The following MLLT3 variants were observed in gnomAD, a reference collection of about 807,000 sequenced individuals.
MLLT3 encodes the protein protein AF-9.
Under a neutral mutation model 53.2 loss-of-function variants are expected in MLLT3, and 4 were observed. That is an observed-to-expected ratio of 0.08 (90% CI 0.04 to 0.17). MLLT3 has a LOEUF of 0.17. Among genes scored for constraint, MLLT3 ranks in the 10% least tolerant of loss-of-function variants. MLLT3 has a pLI of 1.00. For missense variants in MLLT3, 569 were observed against 684.0 expected (o/e 0.83, Z 1.87); for synonymous variants, 283 against 230.6 (o/e 1.23, Z -2.06).
At chr9:20,596,861 G>A (rs993217941) in intron 2 of MLLT3, among the ~76,000 whole-genome samples, 39 of 152,148 alleles carry the variant, frequency 2.6e-4, no homozygotes, top group African/African-American at 8.7e-4. Flanking sequence ...GGGACTGTAT[G>A]TAACCTGAAG....
Position 20,373,656 on chromosome 9 carries a change from G to T in MLLT3, c.1126-7912C>A, listed in dbSNP as rs567403700. On this transcript the variant is annotated intron_variant, in intron 5 of 10. Coordinates refer to ENST00000380338, the MANE Select transcript of MLLT3 (RefSeq NM_004529.4). ...AGAGTACAGTATAACTAGTTAAACA[G>T]AAATGATTTCAGACACATTGCTACA... Among the ~76,000 whole-genome samples the T allele has an allele frequency of 2.6e-5, 4 of 152,196 alleles. No homozygotes were observed. In the East Asian group the frequency reaches 7.7e-4, roughly 29 times the overall value.
intron 10 of MLLT3, among the ~76,000 whole-genome samples, chr9:20,347,223 T>G (rs1009641265): frequency 1.3e-5 from 2 of 152,190 alleles, no homozygotes; most frequent in African/African-American, 2.4e-5. Flanking sequence ...ACATAAGATG[T>G]TGTCACTTGG....
intron 3 of MLLT3, among the ~76,000 whole-genome samples, chr9:20,454,177 T>C (rs1823904393): frequency 1.3e-5 from 2 of 152,146 alleles, no homozygotes; most frequent in Admixed American, 1.3e-4. Context: ...GACTACCCAA[T>C]GTGCCTTCAT....
At chr9:20,437,785 G>A (rs1321502411) in intron 4 of MLLT3, among the ~76,000 whole-genome samples, 1 of 152,132 alleles carries the variant, frequency 6.6e-6, no homozygotes, top group African/African-American at 2.4e-5. Flanking sequence ...AGTATTCAGA[G>A]CTCAAAATCA....
intron 2 of MLLT3, among the ~76,000 whole-genome samples, chr9:20,573,320 T>C (rs546887180): frequency 3.9e-5 from 6 of 151,998 alleles, no homozygotes; most frequent in African/African-American, 1.4e-4. Flanking sequence ...GCTGGAACTA[T>C]AGGCACATGC....
At chr9:20,426,863 ACAAT>A (rs1359221585) in intron 4 of MLLT3, among the ~76,000 whole-genome samples, 1 of 152,128 alleles carries the variant, frequency 6.6e-6, no homozygotes, top group East Asian at 1.9e-4. Flanking sequence ...AATGTGAACT[ACAAT>A]CACTCATGAA....
In MLLT3 at chr9:20,356,743, C is replaced by T. The variant is rs1334365; in HGVS notation, c.1432-1864G>A. On this transcript the variant is annotated intron_variant, in intron 8 of 10. Transcript: ENST00000380338. The stretch of plus-strand genomic sequence containing the variant: ...TGCTAACTAGGTTTAGAGAGTTCTG[C>T]CACCTTTTCTTCAAAGCAGAAAATA... Among the ~76,000 whole-genome samples, 1,473 of 152,226 alleles carry T rather than the reference C, an allele frequency of 9.7e-3. 69 individuals are homozygous for T. Among genetic ancestry groups the T allele is most frequent in the Admixed American group, 0.075 (1,153 of 15,272 alleles).
In MLLT3 at chr9:20,621,763, G is replaced by A. The variant is rs1821018264; in HGVS notation, c.12+482C>T. ...CTTCGGCTCACACACGCGCGCCGCG[G>A]AGAACGCACCATCGTAGCGGCCGCG... On this transcript the variant is annotated intron_variant, in intron 1 of 10. Coordinates refer to ENST00000380338, the MANE Select transcript of MLLT3 (RefSeq NM_004529.4). The surrounding 1 kb of genome is among the most constrained non-coding windows in gnomAD (Gnocchi z 7.0). The A allele has an allele frequency of 6.7e-7, 1 of 1,488,918 alleles. No individual in the cohort carries two copies. The allele number at this position is 1,488,918 out of a possible 1,614,324, so 92.2% of individuals were successfully genotyped here.
intron 4 of MLLT3, among the ~76,000 whole-genome samples, chr9:20,444,814 G>A (rs1045262746): frequency 1.3e-5 from 2 of 152,180 alleles, no homozygotes; most frequent in African/African-American, 4.8e-5. Context: ...TGAGGCTGCA[G>A]TGAGCCATGA....
At chr9:20,424,066 G>C (rs187587228) in intron 4 of MLLT3, among the ~76,000 whole-genome samples, 3 of 152,152 alleles carry the variant, frequency 2.0e-5, no homozygotes, top group Non-Finnish European at 4.4e-5. Context: ...AAGGCATACA[G>C]GAGGATGTGC....
At chr9:20,474,507 T>G (rs1451141232) in intron 2 of MLLT3, among the ~76,000 whole-genome samples, 1 of 152,066 alleles carries the variant, frequency 6.6e-6, no homozygotes, top group African/African-American at 2.4e-5. Context: ...ACGAGTCTCC[T>G]CATCCATATA....
At chr9:20,557,590 C>T (rs1819094649) in intron 2 of MLLT3, among the ~76,000 whole-genome samples, 1 of 152,140 alleles carries the variant, frequency 6.6e-6, no homozygotes, top group Non-Finnish European at 1.5e-5. Flanking sequence ...ATTGCTACTT[C>T]CTCACCTATT....
At chr9:20,350,560 A>G (rs1487918206) in intron 10 of MLLT3, among the ~76,000 whole-genome samples, 1 of 140,726 alleles carries the variant, frequency 7.1e-6, no homozygotes, top group Non-Finnish European at 1.5e-5. Context: ...CCGCCACTGC[A>G]CTCCAGCCTG....
intron 5 of MLLT3, among the ~76,000 whole-genome samples, chr9:20,371,739 C>T (rs116406701): frequency 0.023 from 3,530 of 152,296 alleles, 144 homozygotes; most frequent in African/African-American, 0.08. Context: ...TTCATGCCTG[C>T]TAATACATCT....
intron 2 of MLLT3, among the ~76,000 whole-genome samples, chr9:20,605,880 T>C (rs1364153087): frequency 6.6e-6 from 1 of 152,082 alleles, no homozygotes; most frequent in Admixed American, 6.6e-5. Context: ...TTACTAAGTG[T>C]TGGTTTTGTA....
chr9:20,345,329 T>G lies in MLLT3; in HGVS notation c.*1114A>C, dbSNP rs1820838527. 1 of 211,262 alleles carries G rather than the reference T, an allele frequency of 4.7e-6. No homozygotes were observed. Among genetic ancestry groups the G allele is most frequent in the Non-Finnish European group, 9.6e-6 (1 of 104,224 alleles). The allele number at this position is 211,262 out of a possible 1,614,324, so 13.1% of individuals were successfully genotyped here. A position where few individuals can be genotyped will look rare whatever the true frequency, so the allele number is the denominator to read the frequency against. ...TTTAATTTTTTCAAATATAAAAGTGTCTAAGAGAATCATATGTGAACAAAC... is the reference window on the plus strand; with the variant it reads ...TTTAATTTTTTCAAATATAAAAGTGGCTAAGAGAATCATATGTGAACAAAC... On this transcript the variant is annotated 3_prime_UTR_variant, in exon 11 of 11. Coordinates refer to ENST00000380338, the MANE Select transcript of MLLT3 (RefSeq NM_004529.4).
chr9:20,566,765 T>C (rs993111393), intron 2 of MLLT3, among the ~76,000 whole-genome samples: 1 of 152,070 alleles, frequency 6.6e-6, no homozygotes, highest in African/African-American at 2.4e-5. Context: ...TTACATATGC[T>C]TGTGCCCATG....
chr9:20,414,348 G>T lies in MLLT3; in HGVS notation c.498C>A (p.Ser166Arg). Residue 166 changes from serine (S) to arginine (R), a missense_variant, in exon 5 of 11, where the codon AGC becomes AGA. Transcript: ENST00000380338. ...TGCTGCTGCTGCTGCTGCTGCTACT[G>T]CTGCTGCTGCTGCTGCTGCTGCTGC... Reference protein sequence around the residue: ...SSSSSSSSSSSSSSSSSSSSS... With the variant: ...SSSSSSSSSSRSSSSSSSSSS... 1 of 1,423,432 alleles carries T rather than the reference G, an allele frequency of 7.0e-7. No homozygotes were observed. The highest frequency in any genetic ancestry group is 9.5e-7 in the Non-Finnish European group (1 of 1,055,186). The allele number at this position is 1,423,432 out of a possible 1,614,324, so 88.2% of individuals were successfully genotyped here.
chr9:20,401,010 T>C (rs1251303623), intron 5 of MLLT3, among the ~76,000 whole-genome samples: 2 of 152,088 alleles, frequency 1.3e-5, no homozygotes, highest in Admixed American at 6.6e-5. Context: ...ATTGAGTTAA[T>C]GTGATAAGAA....
Sources: gnomAD v4.1 joint callset for allele counts (sites outside exome capture counted in the v4.1 genomes callset) on GRCh38, gnomAD v4.1.1 for gene constraint, Gnocchi (gnomAD v3.1) non-coding constraint, MANE v1.5 for transcripts, NCBI Gene and HGNC (gene_info 2026-07-23, HGNC 2026-07-21) for gene names.